ITPR1: variants seen among roughly 807,000 people sequenced by gnomAD.
The protein encoded by ITPR1 is inositol 1,4,5-trisphosphate-gated calcium channel ITPR1.
In ITPR1, 96 loss-of-function variants were observed where a neutral mutation model predicts 318.4. The ratio of observed to expected loss-of-function variants is 0.30; its 90% CI spans 0.26 to 0.36. ITPR1 has a LOEUF of 0.36. Ranked by LOEUF, ITPR1 falls within the 10% of genes least tolerant of loss-of-function variation. The pLI is 1.00. For missense variants in ITPR1, 2,440 were observed against 3,460.2 expected (o/e 0.71, Z 7.40); for synonymous variants, 1,312 against 1,289.9 (o/e 1.02, Z -0.37).
intron 4 of ITPR1, among the ~76,000 whole-genome samples, chr3:4,620,966 T>C (rs571313490): frequency 2.6e-5 from 4 of 152,158 alleles, no homozygotes; most frequent in African/African-American, 9.6e-5. Flanking sequence ...TGTTCTATAT[T>C]TTCAACTTAC....
At chr3:4,714,229 T>G (rs934961605) in intron 39 of ITPR1, among the ~76,000 whole-genome samples, 1 of 152,170 alleles carries the variant, frequency 6.6e-6, no homozygotes, top group Non-Finnish European at 1.5e-5. Context: ...GAACTAAGCT[T>G]TCTCAAGCAA....
chr3:4,760,164 G>T (rs1245349197), intron 44 of ITPR1, among the ~76,000 whole-genome samples: 1 of 152,254 alleles, frequency 6.6e-6, no homozygotes, highest in African/African-American at 2.4e-5. Context: ...CCTAACCCCA[G>T]CTCTCTCATC....
At chr3:4,520,159 G>T (rs2082452729) in intron 3 of ITPR1, among the ~76,000 whole-genome samples, 1 of 152,194 alleles carries the variant, frequency 6.6e-6, no homozygotes, top group South Asian at 2.1e-4. Context: ...TGGTCACTTG[G>T]AAGATTAGCC....
chr3:4,837,647 C>T (rs965225892), intron 61 of ITPR1, among the ~76,000 whole-genome samples: 4 of 151,918 alleles, frequency 2.6e-5, no homozygotes, highest in Admixed American at 2.6e-4. Flanking sequence ...CAGGCAGTTT[C>T]CAATTTAAAG....
At chr3:4,549,116 A>C (rs1242343999) in intron 4 of ITPR1, among the ~76,000 whole-genome samples, 8 of 152,238 alleles carry the variant, frequency 5.3e-5, no homozygotes, top group Non-Finnish European at 1.0e-4. Flanking sequence ...ATTATTAGTT[A>C]ACATGAAAAT....
intron 4 of ITPR1, among the ~76,000 whole-genome samples, chr3:4,542,608 C>T (rs1377041123): frequency 6.7e-6 from 1 of 148,738 alleles, no homozygotes; most frequent in African/African-American, 2.4e-5. Context: ...AAACAAGTTA[C>T]CTTGCCTTCC....
At chr3:4,627,012 G>A (rs2092850841) in intron 4 of ITPR1, among the ~76,000 whole-genome samples, 1 of 151,928 alleles carries the variant, frequency 6.6e-6, no homozygotes, top group Non-Finnish European at 1.5e-5. Flanking sequence ...GTAGAGACGG[G>A]GTTTCACCTT....
chr3:4,674,508 G>A (rs375918960), intron 22 of ITPR1, among the ~76,000 whole-genome samples, 165 bp downstream of exon 22: 8 of 152,108 alleles, frequency 5.3e-5, no homozygotes, highest in South Asian at 2.1e-4. Flanking sequence ...AAAATAAAAC[G>A]GATACCAGTC....
intron 5 of ITPR1, among the ~76,000 whole-genome samples, chr3:4,630,560 GCATTAT>G (rs2092982240): frequency 9.2e-6 from 1 of 108,520 alleles, no homozygotes; most frequent in South Asian, 3.5e-4. Flanking sequence ...TAAATTGTCC[GCATTAT>G]TATTATTATT....
intron 2 of ITPR1, among the ~76,000 whole-genome samples, chr3:4,505,089 G>A (rs304032): frequency 6.6e-6 from 1 of 152,030 alleles, no homozygotes; most frequent in South Asian, 2.1e-4. Flanking sequence ...CCTTATCCTC[G>A]GTTCTGAGGG....
intron 52 of ITPR1, among the ~76,000 whole-genome samples, chr3:4,794,770 G>A (rs1023679001): frequency 1.3e-5 from 2 of 152,194 alleles, no homozygotes; most frequent in Non-Finnish European, 2.9e-5. Context: ...TTCCGCAACT[G>A]ATGGCTGCGG....
At chr3:4,790,863 C>T (rs759727935) in intron 52 of ITPR1, among the ~76,000 whole-genome samples, 1 of 152,204 alleles carries the variant, frequency 6.6e-6, no homozygotes, top group Admixed American at 6.5e-5. Context: ...AGAACACACA[C>T]ATAGTCTTCT....
At chr3:4,825,900 T>C (rs1362962102) in intron 60 of ITPR1, 1 of 404,622 alleles carries the variant, frequency 2.5e-6, no homozygotes, top group African/African-American at 2.1e-5. Flanking sequence ...GGACCTAGGT[T>C]TGGGGGAAAA....
At chr3:4,677,569 T>C (rs2094209887) in intron 24 of ITPR1, among the ~76,000 whole-genome samples, 1 of 152,046 alleles carries the variant, frequency 6.6e-6, no homozygotes, top group South Asian at 2.1e-4. Context: ...GAGGGCACAT[T>C]TGGGAACAGG....
At chr3:4,700,850 CA>C (rs1390818710) in intron 35 of ITPR1, among the ~76,000 whole-genome samples, 2 of 152,186 alleles carry the variant, frequency 1.3e-5, no homozygotes, top group Non-Finnish European at 2.9e-5. Flanking sequence ...AGGCACGTCC[CA>C]CATGGCAGCA....
Position 4,740,940 on chromosome 3 carries a change from G to A in ITPR1, c.5544+5586G>A, listed in dbSNP as rs140412308. On this transcript the variant is annotated intron_variant, in intron 44 of 61. Coordinates refer to ENST00000649015, the MANE Select transcript of ITPR1 (RefSeq NM_001378452.1). ...CCCCCAGAAGAAATATTTCCTTGTGGCTTGATGTTTTGTAGCAAGTGGGAA... is the reference window on the plus strand; with the variant it reads ...CCCCCAGAAGAAATATTTCCTTGTGACTTGATGTTTTGTAGCAAGTGGGAA... Among the ~76,000 whole-genome samples the A allele has an allele frequency of 2.7e-3, 411 of 152,308 alleles. 4 individuals carry two copies. Among genetic ancestry groups the A allele is most frequent in the African/African-American group, 9.1e-3 (380 of 41,558 alleles).
chr3:4,514,969 A>G (rs1435845904), intron 2 of ITPR1, among the ~76,000 whole-genome samples: 1 of 152,190 alleles, frequency 6.6e-6, no homozygotes. Flanking sequence ...CCTTCTGTAC[A>G]TTATTTGTGT....
chr3:4,651,395 C>A (rs1325306977), intron 10 of ITPR1, among the ~76,000 whole-genome samples: 1 of 152,182 alleles, frequency 6.6e-6, no homozygotes, highest in East Asian at 1.9e-4. Flanking sequence ...CCATGAGCTT[C>A]ATGCCCTTAG....
chr3:4,706,090 G>A lies in ITPR1; in HGVS notation c.4658-77G>A, dbSNP rs1366318272. On this transcript the variant is annotated intron_variant, in intron 36 of 61. Transcript: ENST00000649015. Reference sequence around the variant, plus strand: ...GGGTGTGAAAAACCTGCTGGATGGGGACTAGGGCATTACGTCCATCTGTAG... The same window carrying A: ...GGGTGTGAAAAACCTGCTGGATGGGAACTAGGGCATTACGTCCATCTGTAG... 8 of 1,512,588 alleles carry A rather than the reference G, an allele frequency of 5.3e-6. No individual in the cohort carries two copies. The Admixed American group carries it at 1.2e-4, about 23-fold the overall frequency. The allele number at this position is 1,512,588 out of a possible 1,614,324, so 93.7% of individuals were successfully genotyped here. A position where few individuals can be genotyped will look rare whatever the true frequency, so the allele number is the denominator to read the frequency against.
Sources: gnomAD v4.1 joint callset for allele counts (sites outside exome capture counted in the v4.1 genomes callset) on GRCh38, gnomAD v4.1.1 for gene constraint, MANE v1.5 for transcripts, NCBI Gene and HGNC (gene_info 2026-07-23, HGNC 2026-07-21) for gene names.